The following PTPRN2 variants were observed in gnomAD, a reference collection of about 807,000 sequenced individuals.
The protein encoded by PTPRN2 is receptor-type tyrosine-protein phosphatase N2.
Under a neutral mutation model 118.8 loss-of-function variants are expected in PTPRN2, and 74 were observed. The observed-to-expected ratio is 0.62, with a 90% CI of 0.52 to 0.76. PTPRN2 has a LOEUF of 0.76. PTPRN2 is among the 30% of genes least tolerant of loss of function. PTPRN2 has a pLI of 0.00. For missense variants in PTPRN2, 1,481 were observed against 1,394.4 expected (o/e 1.06, Z -0.99); for synonymous variants, 641 against 608.0 (o/e 1.05, Z -0.80).
Position 158,035,483 on chromosome 7 carries a change from G to T in PTPRN2, c.1723+45815C>A, listed in dbSNP as rs548025085. Among the ~76,000 whole-genome samples the T allele has an allele frequency of 4.9e-4, 75 of 152,344 alleles. 1 individual carries two copies. Among genetic ancestry groups the T allele is most frequent in the Admixed American group, 4.4e-3 (68 of 15,308 alleles). Reference sequence around the variant, plus strand: ...GAGTGTGGCAGTGGCAGGCAGGGGGGTCTGTTAGGGCCCAGCAGGCTGGGG... The same window carrying T: ...GAGTGTGGCAGTGGCAGGCAGGGGGTTCTGTTAGGGCCCAGCAGGCTGGGG... On this transcript the variant is annotated intron_variant, in intron 11 of 22. Coordinates refer to ENST00000389418, the MANE Select transcript of PTPRN2 (RefSeq NM_002847.5).
intron 9 of PTPRN2, among the ~76,000 whole-genome samples, chr7:158,127,191 G>T (rs1021518523): frequency 6.6e-6 from 1 of 152,154 alleles, no homozygotes; most frequent in Non-Finnish European, 1.5e-5. Context: ...AACCTCTCCA[G>T]CTTCCCCTCG....
At chr7:158,104,177 G>A (rs939009942) in intron 10 of PTPRN2, among the ~76,000 whole-genome samples, 1 of 152,128 alleles carries the variant, frequency 6.6e-6, no homozygotes, top group South Asian at 2.1e-4. Context: ...CAGATTTAAG[G>A]CAATGGAGCA....
At chr7:158,548,022 T>G (rs1826411347) in intron 1 of PTPRN2, among the ~76,000 whole-genome samples, 1 of 152,192 alleles carries the variant, frequency 6.6e-6, no homozygotes, top group Non-Finnish European at 1.5e-5. Context: ...GTGCCATCCC[T>G]GCCTCCAGGC....
At position 157,615,584 on chromosome 7, in the gene PTPRN2, C is replaced by T. The variant is rs772378538; in HGVS notation, c.2344+5778G>A. The T allele has an allele frequency of 2.1e-5, 10 of 471,096 alleles. No individual in the cohort carries two copies. Among genetic ancestry groups the T allele is most frequent in the South Asian group, 6.2e-5 (4 of 64,572 alleles). 29.2% of individuals were successfully genotyped at this position (471,096 alleles called of 1,614,324 possible). ...CCTGGAACCAGCGCCTGGGAAGTCC[C>T]GCGGTGGATCCGCGTCACGGGGGAG... On this transcript the variant is annotated intron_variant, in intron 15 of 22. Coordinates refer to ENST00000389418, the MANE Select transcript of PTPRN2 (RefSeq NM_002847.5). This position sits in a 1 kb window ranked among gnomAD's most constrained non-coding sequence, Gnocchi z 4.3.
intron 22 of PTPRN2, among the ~76,000 whole-genome samples, chr7:157,547,657 C>T (rs897211209): frequency 4.6e-5 from 7 of 152,112 alleles, no homozygotes; most frequent in African/African-American, 1.7e-4. Flanking sequence ...CCCCGCGGGA[C>T]ACTGAGTAAC....
At chr7:158,030,440 G>A (rs1271536173) in intron 11 of PTPRN2, 6 of 151,340 alleles carry the variant, frequency 4.0e-5, no homozygotes, top group East Asian at 1.9e-4. Flanking sequence ...AGGAAAGCAC[G>A]TCTGAGTCTT....
In PTPRN2 at chr7:157,797,180, T is replaced by C. The variant is rs573602081; in HGVS notation, c.1788+101493A>G. 1.5e-3 allele frequency among the ~76,000 whole-genome samples: 223 copies of C among 152,268 alleles called. 1 individual carries two copies. Among genetic ancestry groups the C allele is most frequent in the Non-Finnish European group, 2.5e-3 (168 of 68,020 alleles). On this transcript the variant is annotated intron_variant, in intron 12 of 22. Coordinates refer to ENST00000389418, the MANE Select transcript of PTPRN2 (RefSeq NM_002847.5). ...CAAAACCAAAAACGGACCTCAGGTT[T>C]CTCTGCAATATGTAGGATCCGTGAA...
chr7:158,351,819 C>T (rs1401488394), intron 2 of PTPRN2, among the ~76,000 whole-genome samples: 1 of 152,048 alleles, frequency 6.6e-6, no homozygotes, highest in African/African-American at 2.4e-5. Flanking sequence ...GGTAGCAGAA[C>T]AGGAAGTACT....
chr7:158,155,733 T>C (rs1038215977), intron 6 of PTPRN2, among the ~76,000 whole-genome samples: 1 of 46,342 alleles, frequency 2.2e-5, no homozygotes. Context: ...ACCATCACCA[T>C]CATCACCATC....
rs550256596 is a variant in PTPRN2 at position 158,108,551 on chromosome 7, T to C, written c.1643+2278A>G. Among the ~76,000 whole-genome samples, 45 of 152,308 alleles carry C rather than the reference T, an allele frequency of 3.0e-4. 1 individual carries two copies. The highest frequency in any genetic ancestry group is 5.7e-4 in the Non-Finnish European group (39 of 68,022). ...TGTCCCTCCACATCTTTCCTGTCCA[T>C]GGACATTTCCTTGAACCTGCTCATT... On this transcript the variant is annotated intron_variant, in intron 10 of 22. Coordinates refer to ENST00000389418, the MANE Select transcript of PTPRN2 (RefSeq NM_002847.5).
At chr7:157,966,351 T>C (rs10238477) in intron 11 of PTPRN2, among the ~76,000 whole-genome samples, 66,944 of 151,690 alleles carry the variant, frequency 0.44, 15,326 homozygotes, top group African/African-American at 0.55. Flanking sequence ...ACCATCATTT[T>C]CATTATCAAC....
rs1022971643 is a variant in PTPRN2 at position 157,581,449 on chromosome 7, G to C, written c.2497-3309C>G. On this transcript the variant is annotated intron_variant, in intron 17 of 22. Transcript: ENST00000389418. Reference sequence around the variant, plus strand: ...TTATGATTCCAGAAGGAATGGAAGTGGTCAGCCCAGTGGTTCTCAGAGACC... The same window carrying C: ...TTATGATTCCAGAAGGAATGGAAGTCGTCAGCCCAGTGGTTCTCAGAGACC... Among the ~76,000 whole-genome samples, 7 of 152,316 alleles carry C rather than the reference G, an allele frequency of 4.6e-5. 1 individual carries two copies. In the South Asian group the frequency reaches 1.5e-3, roughly 32 times the overall value.
At chr7:158,316,968 G>A (rs773347550) in intron 2 of PTPRN2, 36 bp from the exon 3 acceptor site, 2 of 1,503,332 alleles carry the variant, frequency 1.3e-6, no homozygotes, top group Non-Finnish European at 1.8e-6. Flanking sequence ...AGAACGAGAC[G>A]TTTCATTTTC....
intron 2 of PTPRN2, among the ~76,000 whole-genome samples, chr7:158,369,961 G>A (rs1809832875): frequency 6.6e-6 from 1 of 152,322 alleles, no homozygotes; most frequent in South Asian, 2.1e-4. Context: ...GTCTCAGCGG[G>A]CAGGAGGCCC....
At chr7:158,129,135 CACACTACACACAT>C (rs1033252973) in intron 9 of PTPRN2, among the ~76,000 whole-genome samples, 5 of 151,248 alleles carry the variant, frequency 3.3e-5, no homozygotes, top group African/African-American at 7.3e-5. Flanking sequence ...CAGCACACCA[CACACTACACACAT>C]ACACTACACA....
At chr7:157,886,090 T>C (rs1796432770) in intron 12 of PTPRN2, among the ~76,000 whole-genome samples, 2 of 152,244 alleles carry the variant, frequency 1.3e-5, no homozygotes, top group Non-Finnish European at 2.9e-5. Context: ...AAGGGGTTTC[T>C]GGATTATTAC....
intron 17 of PTPRN2, among the ~76,000 whole-genome samples, chr7:157,594,023 G>A (rs928633498): frequency 4.6e-5 from 7 of 152,242 alleles, no homozygotes; most frequent in Admixed American, 1.3e-4. Flanking sequence ...GGCGTCATCC[G>A]AGCTGTCCTG....
intron 6 of PTPRN2, among the ~76,000 whole-genome samples, chr7:158,163,980 C>T (rs67158162): frequency 0.14 from 21,122 of 152,202 alleles, 1,745 homozygotes; most frequent in African/African-American, 0.24. Context: ...TGAGGCTTTT[C>T]TAAAGCGCAC....
intron 3 of PTPRN2, among the ~76,000 whole-genome samples, chr7:158,308,418 C>G (rs1365349652): frequency 6.6e-6 from 1 of 152,026 alleles, no homozygotes; most frequent in East Asian, 1.9e-4. Context: ...ATAAACAGCA[C>G]CAGTAAAGGT....
Sources: allele counts gnomAD v4.1 joint callset (sites outside exome capture counted in the v4.1 genomes callset), GRCh38; gene constraint gnomAD v4.1.1; non-coding constraint Gnocchi (gnomAD v3.1); transcripts MANE v1.5; gene names NCBI Gene and HGNC (gene_info 2026-07-23, HGNC 2026-07-21).